The following PPIE variants were observed in gnomAD, a reference collection of about 807,000 sequenced individuals.
PPIE encodes the protein peptidyl-prolyl cis-trans isomerase E.
PPIE carries 20 observed loss-of-function variants against 38.4 expected under a neutral mutation model. That is an observed-to-expected ratio of 0.52 (90% confidence interval 0.37 to 0.76). The LOEUF is 0.76. PPIE is among the 30% of genes least tolerant of loss of function. The pLI, the probability that PPIE is intolerant of heterozygous loss-of-function variation, is 0.00. For synonymous variants in PPIE, 142 were observed against 135.7 expected, an observed-to-expected ratio of 1.05 and a Z score of -0.32; for missense variants, 322 against 385.8, an observed-to-expected ratio of 0.83 and a Z score of 1.39.
At chr1:39,750,786 C>T (rs1471317659) in intron 8 of PPIE, among the ~76,000 whole-genome samples, 2 of 152,176 alleles carry the variant, frequency 1.3e-5, no homozygotes, top group Non-Finnish European at 2.9e-5. Flanking sequence ...AGAGCCCATT[C>T]TTTGGTTCTC....
downstream of PPIE, chr1:39,759,137 G>A (rs1244550550): frequency 6.6e-6 from 1 of 152,282 alleles, no homozygotes; most frequent in Non-Finnish European, 1.5e-5. Flanking sequence ...ACTCCCAGTG[G>A]CTGCTCCAAG....
At chr1:39,758,196 A>G (rs1258990680), downstream of PPIE, 2 of 152,250 alleles carry the variant, frequency 1.3e-5, no homozygotes, top group Non-Finnish European at 2.9e-5. Context: ...TTAAGAAGGA[A>G]CAATTAAGTA....
rs1326403489 is a variant in PPIE, at chr1:39,749,073, A to C, written c.679A>C (p.Lys227Gln). ...KKFDDENFIL[K>Q]HTGPGLLSMA... ...GTTCGATGATGAAAACTTTATCCTC[A>C]AGCATACGGGACCAGGTAGGAGCCA... The change falls in exon 8 of 10, where the codon AAG (lysine) becomes CAG (glutamine). Residue 227 changes from lysine to glutamine, a missense_variant. Lys to Gln is a moderately conservative substitution (Grantham distance 53). Transcript: ENST00000324379. 6.2e-7 allele frequency: 1 copy of C among 1,604,798 alleles called. No homozygotes were observed. Among genetic ancestry groups the C allele is most frequent in the African/African-American group, 1.3e-5 (1 of 74,506 alleles).
intron 7 of PPIE, chr1:39,746,415 G>A (rs111684596): frequency 2.6e-5 from 4 of 152,240 alleles, no homozygotes; most frequent in African/African-American, 9.6e-5. Flanking sequence ...GGGAGATGAG[G>A]GCAAGGCTGA....
Position 39,740,181 on chromosome 1 carries a change from A to G in PPIE, c.48A>G (p.Glu16=), listed in dbSNP as rs765024126. ...TATTTGCAGGTGGACTGGCAGAGGAAGTGGACGACAAAGTTCTTCATGCTG... is the reference window on the plus strand; with the variant it reads ...TATTTGCAGGTGGACTGGCAGAGGAGGTGGACGACAAAGTTCTTCATGCTG... ...RVLYVGGLAE[E]VDDKVLHAAF... The change falls in exon 2 of 10, where the codon GAA becomes GAG. Residue 16 remains glutamate (E), a synonymous_variant. Transcript: ENST00000324379. 2.0e-5 allele frequency: 32 copies of G among 1,614,058 alleles called. No homozygotes were observed. The East Asian group carries it at 6.9e-4, about 35-fold the overall frequency.
chr1:39,740,341 AAAT>A, intron 2 of PPIE, 78 bp downstream of exon 2: 1 of 1,144,388 alleles, frequency 8.7e-7, no homozygotes, highest in Non-Finnish European at 1.3e-6. Flanking sequence ...TCACAATTCT[AAAT>A]ATGCATTCTA....
chr1:39,741,974 G>T (rs1647069365), intron 4 of PPIE, 53 bp downstream of exon 4: 3 of 1,593,446 alleles, frequency 1.9e-6, no homozygotes, highest in Admixed American at 1.7e-5. Context: ...TGGTACAGAG[G>T]CTCCTTATTC....
Position 39,753,650 on chromosome 1 carries a change from C to T in PPIE, c.*295C>T. The T allele has an allele frequency of 8.0e-7, 1 of 1,255,456 alleles. No individual in the cohort carries two copies. Among genetic ancestry groups the T allele is most frequent in the Non-Finnish European group, 1.0e-6 (1 of 998,548 alleles). The allele number at this position is 1,255,456 out of a possible 1,614,324, so 77.8% of individuals were successfully genotyped here. A position where few individuals can be genotyped will look rare whatever the true frequency, so the allele number is the denominator to read the frequency against. On this transcript the variant is annotated 3_prime_UTR_variant, in exon 10 of 10. Coordinates refer to ENST00000324379, the MANE Select transcript of PPIE (RefSeq NM_006112.4). ...TGCTGCTGGGCCTCTCCTGGGACTACCAGTGTGGCTCTTACGTGTTTTCTT... is the reference window on the plus strand; with the variant it reads ...TGCTGCTGGGCCTCTCCTGGGACTATCAGTGTGGCTCTTACGTGTTTTCTT...
At chr1:39,757,512 G>C (rs1648409121), downstream of PPIE, 1 of 152,282 alleles carries the variant, frequency 6.6e-6, no homozygotes, top group East Asian at 1.9e-4. Context: ...CGAATCCCCT[G>C]CTGACTTGGC....
intron 7 of PPIE, chr1:39,747,738 T>C (rs1266099834): frequency 1.3e-5 from 2 of 152,194 alleles, no homozygotes; most frequent in Admixed American, 1.3e-4. Context: ...AGTGCTGGGA[T>C]TACAGGCGTG....
chr1:39,741,690 C>T, intron 3 of PPIE: 1 of 634,490 alleles, frequency 1.6e-6, no homozygotes, highest in Non-Finnish European at 2.7e-6. Flanking sequence ...GTGATTATTT[C>T]TTGTGCCTTC....
At position 39,756,323 on chromosome 1, in the gene PPIE, C is replaced by T; in HGVS notation, c.*2968C>T. On this transcript the variant is annotated 3_prime_UTR_variant, in exon 10 of 10. Transcript: ENST00000324379. ...CACATTCCCATTGCTGGACCAGCAC[C>T]AGGACTGGGCACAGGGCTTCCTTTT... is the stretch of plus-strand genomic sequence containing the variant. The T allele has an allele frequency of 2.0e-6, 2 of 985,434 alleles. No individual in the cohort carries two copies. Among genetic ancestry groups the T allele is most frequent in the Non-Finnish European group, 2.4e-6 (2 of 829,930 alleles). The allele number at this position is 985,434 out of a possible 1,614,324, so 61.0% of individuals were successfully genotyped here. A position where few individuals can be genotyped will look rare whatever the true frequency, so the allele number is the denominator to read the frequency against.
downstream of PPIE, chr1:39,758,205 T>C (rs1403766067): frequency 3.3e-5 from 5 of 152,234 alleles, no homozygotes; most frequent in Admixed American, 3.3e-4. Context: ...AACAATTAAG[T>C]AAATACTAGG....
chr1:39,743,073 TG>T, intron 4 of PPIE, 142 bp from the exon 5 acceptor site: 1 of 645,558 alleles, frequency 1.5e-6, no homozygotes, highest in Non-Finnish European at 2.7e-6. Context: ...CAGGTGGCTT[TG>T]GGGTGGCTGC....
rs1484620020 is a variant in PPIE at position 39,754,399 on chromosome 1, A to T, written c.*1044A>T. Among the ~76,000 whole-genome samples the T allele has an allele frequency of 6.6e-6, 1 of 152,238 alleles. No homozygotes were observed. The highest frequency in any genetic ancestry group is 2.4e-5 in the African/African-American group (1 of 41,466). ...CAACAGACCAGCAGGCTGGAGACTC[A>T]GGAAAAAAACTGATGTTGCAGTTCA... On this transcript the variant is annotated 3_prime_UTR_variant, in exon 10 of 10. Transcript: ENST00000324379.
At chr1:39,744,802 C>G (rs942235898) in intron 6 of PPIE, among the ~76,000 whole-genome samples, 1 of 152,128 alleles carries the variant, frequency 6.6e-6, no homozygotes, top group African/African-American at 2.4e-5. Flanking sequence ...CAGTGGAGTC[C>G]CCCTGGATCA....
In PPIE at chr1:39,740,122, G is replaced by A. The variant is rs747834616; in HGVS notation, c.32-43G>A. 194 of 1,509,696 alleles carry A rather than the reference G, an allele frequency of 1.3e-4. 1 individual carries two copies. The highest frequency in any genetic ancestry group is 1.3e-3 in the South Asian group (111 of 88,784). 93.5% of individuals were successfully genotyped at this position (1,509,696 alleles called of 1,614,324 possible). A position where few individuals can be genotyped will look rare whatever the true frequency, so the allele number is the denominator to read the frequency against. ...CTGGGCTGCAAGGACTTCTGCAAGAGTATGGAGATCAGTGGCTCAGAAGGC... is the reference window on the plus strand; with the variant it reads ...CTGGGCTGCAAGGACTTCTGCAAGAATATGGAGATCAGTGGCTCAGAAGGC... On this transcript the variant is annotated intron_variant, in intron 1 of 9. Coordinates refer to ENST00000324379, the MANE Select transcript of PPIE (RefSeq NM_006112.4).
At chr1:39,746,327 T>C (rs1647203090) in intron 7 of PPIE, 1 of 152,208 alleles carries the variant, frequency 6.6e-6, no homozygotes, top group Admixed American at 6.5e-5. Flanking sequence ...TTGCATAGTT[T>C]TCTGTGTAAT....
chr1:39,744,407 T>C (rs1180046652), intron 6 of PPIE, among the ~76,000 whole-genome samples: 7 of 152,246 alleles, frequency 4.6e-5, no homozygotes, highest in African/African-American at 1.7e-4. Context: ...CACTTCCCCC[T>C]GATTCTCAGC....
Sources: allele counts gnomAD v4.1 joint callset (sites outside exome capture counted in the v4.1 genomes callset), GRCh38; gene constraint gnomAD v4.1.1; transcripts MANE v1.5; gene names NCBI Gene and HGNC (gene_info 2026-07-23, HGNC 2026-07-21).